Variants in EDNRA observed in about 807,000 individuals in gnomAD.
EDNRA encodes the protein endothelin-1 receptor.
In EDNRA, 11 loss-of-function variants were observed where a neutral mutation model predicts 41.4. The observed-to-expected ratio is 0.27, with a 90% CI of 0.17 to 0.44. The LOEUF is 0.44. EDNRA is among the 20% of genes least tolerant of loss of function. EDNRA has a pLI of 1.00. For synonymous variants in EDNRA, 172 were observed against 183.0 expected (o/e 0.94, Z 0.49); for missense variants, 294 against 531.0 (o/e 0.55, Z 4.39).
At chr4:147,515,044 G>A (rs1006211690) in intron 2 of EDNRA, among the ~76,000 whole-genome samples, 1 of 152,208 alleles carries the variant, frequency 6.6e-6, no homozygotes, top group Non-Finnish European at 1.5e-5. Flanking sequence ...TTCTGCAGCT[G>A]CTAAGTCTTG....
chr4:147,505,327 ATTTTTTTTT>A (rs869077171), intron 2 of EDNRA, among the ~76,000 whole-genome samples: 10 of 79,686 alleles, frequency 1.3e-4, no homozygotes, highest in African/African-American at 5.3e-4. Flanking sequence ...TTCTTTTTTC[ATTTTTTTTT>A]TTTTTTTTTT....
rs1578816322 is a variant in EDNRA at position 147,536,636 on chromosome 4, T to A, written c.900+607T>A. Among the ~76,000 whole-genome samples, 2 of 152,130 alleles carry A rather than the reference T, an allele frequency of 1.3e-5. 1 individual carries two copies. The highest frequency in any genetic ancestry group is 4.1e-4 in the South Asian group (2 of 4,828). On this transcript the variant is annotated intron_variant, in intron 5 of 7. Transcript: ENST00000651419. ...GAATAGGAACCATGCATTTGGGGAA[T>A]GGGAAAAAGGAGATGAACCTCTCTA...
At position 147,497,486 on chromosome 4, in the gene EDNRA, A is replaced by G. The variant is rs1247759511; in HGVS notation, c.420+11385A>G. On this transcript the variant is annotated intron_variant, in intron 2 of 7. Coordinates refer to ENST00000651419, the MANE Select transcript of EDNRA (RefSeq NM_001957.4). ...GGAATCTAGGCTAGCCGTGCCTTCA[A>G]GTTGCTGACGTTCTATTTGAGGATA... is the stretch of plus-strand genomic sequence containing the variant. Among the ~76,000 whole-genome samples, 3 of 152,224 alleles carry G rather than the reference A, an allele frequency of 2.0e-5. No homozygotes were observed. The East Asian group carries it at 5.8e-4, about 29-fold the overall frequency.
chr4:147,526,138 G>A (rs1730534718), intron 3 of EDNRA, among the ~76,000 whole-genome samples: 1 of 152,190 alleles, frequency 6.6e-6, no homozygotes, highest in African/African-American at 2.4e-5. Flanking sequence ...GATCTTATTT[G>A]GGAGTCTGTT....
chr4:147,533,826 GCTGTTTCATAAAGACTGTCTC>G (rs1560917065), intron 4 of EDNRA, among the ~76,000 whole-genome samples: 1 of 152,130 alleles, frequency 6.6e-6, no homozygotes, highest in Non-Finnish European at 1.5e-5. Context: ...AATGAAATGG[GCTGTTTCATAAAGACTGTCTC>G]CTATCTAGAC....
At position 147,528,444 on chromosome 4, in the gene EDNRA, A is replaced by G. The variant is rs117376535; in HGVS notation, c.549-4062A>G. Among the ~76,000 whole-genome samples, 43 of 149,582 alleles carry G rather than the reference A, an allele frequency of 2.9e-4. No homozygotes were observed. The East Asian group carries it at 8.3e-3, about 29-fold the overall frequency. ...ATGATCAGGGATCGCTGCAGGCTCA[A>G]CCTCCCTGGGCTCAGGGGATCCTCC... On this transcript the variant is annotated intron_variant, in intron 3 of 7. Coordinates refer to ENST00000651419, the MANE Select transcript of EDNRA (RefSeq NM_001957.4).
At chr4:147,494,377 T>G (rs781609415) in intron 2 of EDNRA, 2 of 152,208 alleles carry the variant, frequency 1.3e-5, no homozygotes, top group African/African-American at 2.4e-5. Context: ...AGAAGAGAGA[T>G]ATTGAGTGGG....
chr4:147,505,327 ATTTTTTTTTTTTT>A (rs869077171), intron 2 of EDNRA, among the ~76,000 whole-genome samples: 78 of 79,688 alleles, frequency 9.8e-4, no homozygotes, highest in African/African-American at 3.9e-3. Flanking sequence ...TTCTTTTTTC[ATTTTTTTTTTTTT>A]TTTTTTTTTT....
chr4:147,530,625 T>A (rs746646353), intron 3 of EDNRA, among the ~76,000 whole-genome samples: 1 of 152,252 alleles, frequency 6.6e-6, no homozygotes, highest in Non-Finnish European at 1.5e-5. Context: ...TGTGGCATCA[T>A]CGTAAAATAC....
At chr4:147,542,301 G>C (rs1421954624) in intron 7 of EDNRA, among the ~76,000 whole-genome samples, 177 bp from the exon 8 acceptor site, 1 of 152,202 alleles carries the variant, frequency 6.6e-6, no homozygotes, top group East Asian at 1.9e-4. Flanking sequence ...GCACTGGAAT[G>C]GACAGTGTAA....
chr4:147,485,931 A>T lies in EDNRA; in HGVS notation c.250A>T (p.Thr84Ser). Reference protein sequence around the residue: ...KITSAFKYINTVISCTIFIVG... With the variant: ...KITSAFKYINSVISCTIFIVG... ...TACTTCAGCTTTCAAATACATTAAC[A>T]CTGTGATATCTTGTACTATTTTCAT... Residue 84 changes from threonine to serine, a missense_variant, in exon 2 of 8, where the codon ACT (threonine) becomes TCT (serine). This residue lies in a region of EDNRA where 90 missense variants were observed against 122.8 expected (regional missense o/e 0.73). Coordinates refer to ENST00000651419, the MANE Select transcript of EDNRA (RefSeq NM_001957.4). 6.2e-7 allele frequency: 1 copy of T among 1,614,188 alleles called. No homozygotes were observed. The highest frequency in any genetic ancestry group is 2.2e-5 in the East Asian group (1 of 44,878).
chr4:147,482,766 G>A (rs1007984077), intron 1 of EDNRA, among the ~76,000 whole-genome samples: 1 of 152,100 alleles, frequency 6.6e-6, no homozygotes, highest in Admixed American at 6.6e-5. Context: ...AACCCACAGC[G>A]TTGGCCTTAC....
Position 147,532,548 on chromosome 4 carries a change from G to T in EDNRA, c.591G>T (p.Gly197=). Residue 197 remains glycine, a synonymous_variant, in exon 4 of 8, where the codon GGG becomes GGT. Transcript: ENST00000651419. ...VASWSRVQGI[G]IPLVTAIEIV... ...CCTGGAGTCGTGTTCAGGGAATTGG[G>T]ATTCCTTTGGTAACTGCCATTGAAA... 1 of 1,614,004 alleles carries T rather than the reference G, an allele frequency of 6.2e-7. No individual in the cohort carries two copies. Among genetic ancestry groups the T allele is most frequent in the Non-Finnish European group, 8.5e-7 (1 of 1,179,968 alleles).
chr4:147,524,139 A>T (rs1730445628), intron 3 of EDNRA, among the ~76,000 whole-genome samples: 1 of 151,968 alleles, frequency 6.6e-6, no homozygotes, highest in African/African-American at 2.4e-5. Context: ...AAACCTTTGG[A>T]TTAAACATTC....
intron 6 of EDNRA, 73 bp downstream of exon 6, chr4:147,540,023 AGCTACTCTACAT>A: frequency 6.6e-7 from 1 of 1,523,812 alleles, no homozygotes; most frequent in Non-Finnish European, 8.8e-7. Flanking sequence ...TTACAAAACC[AGCTACTCTACAT>A]GCCCGTTAGC....
chr4:147,525,642 T>A (rs950512149), intron 3 of EDNRA, among the ~76,000 whole-genome samples: 1 of 150,504 alleles, frequency 6.6e-6, no homozygotes, highest in African/African-American at 2.5e-5. Context: ...GGGATCACTG[T>A]TGATCTTTGC....
At chr4:147,532,773 G>T in intron 4 of EDNRA, 69 bp downstream of exon 4, 1 of 1,485,862 alleles carries the variant, frequency 6.7e-7, no homozygotes, top group South Asian at 1.1e-5. Context: ...ACCATCTTGA[G>T]ACTTGATGAC....
At chr4:147,484,233 G>A (rs1728868189) in intron 1 of EDNRA, among the ~76,000 whole-genome samples, 1 of 152,164 alleles carries the variant, frequency 6.6e-6, no homozygotes, top group South Asian at 2.1e-4. Flanking sequence ...TGGACAGGAA[G>A]GACCACTTGC....
chr4:147,506,630 G>C, intron 2 of EDNRA: 1 of 311,080 alleles, frequency 3.2e-6, no homozygotes. Context: ...GGACTTGGTG[G>C]ACATCACAAA....
Sources: gnomAD v4.1 joint callset for allele counts (sites outside exome capture counted in the v4.1 genomes callset) on GRCh38, gnomAD v4.1.1 for gene constraint, gnomAD v4.1.1 regional missense constraint, MANE v1.5 for transcripts, NCBI Gene and HGNC (gene_info 2026-07-23, HGNC 2026-07-21) for gene names.